The following KIF5A variants were observed in gnomAD, a reference collection of about 807,000 sequenced individuals.
KIF5A encodes the protein kinesin heavy chain isoform 5A.
KIF5A carries 35 observed loss-of-function variants against 141.3 expected under a neutral mutation model. That is an observed-to-expected ratio of 0.25 (90% CI 0.19 to 0.33). KIF5A has a LOEUF of 0.33. Among genes scored for constraint, KIF5A ranks in the 10% least tolerant of loss-of-function variants. The pLI, the probability that KIF5A is intolerant of heterozygous loss-of-function variation, is 1.00. For missense variants in KIF5A, 861 were observed against 1,314.3 expected (o/e 0.66, Z 5.33); for synonymous variants, 448 against 500.2 (o/e 0.90, Z 1.39).
chr12:57,561,832 A>C (rs1439968990), intron 1 of KIF5A, among the ~76,000 whole-genome samples: 1 of 152,214 alleles, frequency 6.6e-6, no homozygotes, highest in Non-Finnish European at 1.5e-5. Context: ...AATTCTGTAG[A>C]TATTCATGCA....
intron 7 of KIF5A, 29 bp downstream of exon 7, chr12:57,567,242 A>G (rs193255061): frequency 6.5e-7 from 1 of 1,549,726 alleles, no homozygotes; most frequent in East Asian, 2.3e-5. Flanking sequence ...GGATCTCTCG[A>G]GTCTGAGGAT....
At chr12:57,571,183 G>T in intron 12 of KIF5A, 138 bp from the exon 13 acceptor site, 1 of 694,522 alleles carries the variant, frequency 1.4e-6, no homozygotes. Context: ...CGATCTTCCT[G>T]TAGGATATGG....
At chr12:57,580,882 C>T (rs1282542347) in intron 23 of KIF5A, 74 bp from the exon 24 acceptor site, 10 of 1,364,522 alleles carry the variant, frequency 7.3e-6, no homozygotes, top group Non-Finnish European at 8.3e-6. Context: ...ACCCCTGTCC[C>T]CTACGCTCCT....
rs145767289 is a variant in KIF5A at position 57,559,118 on chromosome 12, G to A, written c.130-4321G>A. 2.4e-4 allele frequency among the ~76,000 whole-genome samples: 36 copies of A among 152,286 alleles called. 1 individual carries two copies. The highest frequency in any genetic ancestry group is 8.4e-4 in the African/African-American group (35 of 41,560). On this transcript the variant is annotated intron_variant, in intron 1 of 28. Coordinates refer to ENST00000455537, the MANE Select transcript of KIF5A (RefSeq NM_004984.4). ...TAGGGATAGGCCATTATTTAACCAG[G>A]CCTCTGTTGGTGGACATTAAGGGTT...
intron 8 of KIF5A, among the ~76,000 whole-genome samples, chr12:57,568,485 C>T (rs1018891538): frequency 2.0e-5 from 3 of 151,770 alleles, no homozygotes; most frequent in Non-Finnish European, 4.4e-5. Flanking sequence ...CAGCACTTTG[C>T]GAGGCCGAGG....
chr12:57,566,553 G>A (rs1389913811), intron 6 of KIF5A, among the ~76,000 whole-genome samples: 2 of 151,752 alleles, frequency 1.3e-5, no homozygotes, highest in African/African-American at 4.8e-5. Flanking sequence ...TGGAATTACA[G>A]GCATGTGCCA....
At chr12:57,578,991 G>A (rs1882513639) in intron 23 of KIF5A, among the ~76,000 whole-genome samples, 1 of 152,116 alleles carries the variant, frequency 6.6e-6, no homozygotes, top group Non-Finnish European at 1.5e-5. Flanking sequence ...TTGAGCGCAG[G>A]AAGTAGAGGC....
intron 1 of KIF5A, among the ~76,000 whole-genome samples, chr12:57,553,468 G>T (rs1217400240): frequency 2.0e-5 from 3 of 152,170 alleles, no homozygotes; most frequent in Admixed American, 1.3e-4. Context: ...GGGGAGCAGG[G>T]CTGTCCTTTG....
At chr12:57,576,732 C>A (rs571738918) in intron 19 of KIF5A, 29 bp from the exon 20 acceptor site, 3 of 1,512,644 alleles carry the variant, frequency 2.0e-6, no homozygotes, top group Non-Finnish European at 2.8e-6. Context: ...CTTTCTCCCC[C>A]ATCTCCATTA....
At chr12:57,563,297 G>A (rs1014350625) in intron 1 of KIF5A, 142 bp from the exon 2 acceptor site, 12 of 719,530 alleles carry the variant, frequency 1.7e-5, no homozygotes, top group African/African-American at 8.7e-5. Flanking sequence ...GAGCCACCAC[G>A]CCCGGCCATT....
chr12:57,577,629 T>C, intron 20 of KIF5A, 84 bp from the exon 21 acceptor site: 7 of 1,002,448 alleles, frequency 7.0e-6, no homozygotes, highest in Non-Finnish European at 1.1e-5. Context: ...AATACTTAAA[T>C]GGAGATAAAA....
intron 23 of KIF5A, among the ~76,000 whole-genome samples, chr12:57,580,133 C>T (rs1057226370): frequency 6.6e-6 from 1 of 152,112 alleles, no homozygotes. Context: ...CTAGCTTGTC[C>T]CCTTGAGCCC....
chr12:57,558,181 G>GA (rs1190034209), intron 1 of KIF5A, among the ~76,000 whole-genome samples: 1 of 152,068 alleles, frequency 6.6e-6, no homozygotes, highest in Non-Finnish European at 1.5e-5. Context: ...GAGGCGGGAG[G>GA]ATCACTTGAG....
chr12:57,577,572 C>T, intron 20 of KIF5A, 141 bp from the exon 21 acceptor site: 1 of 739,166 alleles, frequency 1.4e-6, no homozygotes, highest in Non-Finnish European at 2.4e-6. Flanking sequence ...CTCTATCTAG[C>T]CTAGGTAACA....
intron 1 of KIF5A, among the ~76,000 whole-genome samples, chr12:57,560,808 C>T (rs1245361153): frequency 6.6e-6 from 1 of 151,502 alleles, no homozygotes; most frequent in Non-Finnish European, 1.5e-5. Flanking sequence ...TTGAGACCAG[C>T]CCAGGCAACA....
intron 8 of KIF5A, among the ~76,000 whole-genome samples, chr12:57,568,226 C>T (rs1392424132): frequency 6.6e-6 from 1 of 152,146 alleles, no homozygotes; most frequent in Non-Finnish European, 1.5e-5. Flanking sequence ...ATATAATTCA[C>T]ATACCATAAA....
intron 12 of KIF5A, among the ~76,000 whole-genome samples, 192 bp downstream of exon 12, chr12:57,570,354 T>C (rs889514539): frequency 1.3e-5 from 2 of 152,206 alleles, no homozygotes. Context: ...CACTCAACAT[T>C]TTGCTTTTCT....
At chr12:57,575,936 C>T (rs1882410198) in intron 17 of KIF5A, 151 bp from the exon 18 acceptor site, 2 of 914,176 alleles carry the variant, frequency 2.2e-6, no homozygotes, top group Admixed American at 1.7e-5. Context: ...CCCTTGTTCT[C>T]TGTTCCTGCT....
In KIF5A at chr12:57,581,188, C is replaced by T; in HGVS notation, c.2755+16C>T. The T allele has an allele frequency of 1.9e-6, 3 of 1,610,302 alleles. No homozygotes were observed. Among genetic ancestry groups the T allele is most frequent in the Non-Finnish European group, 2.5e-6 (3 of 1,178,008 alleles). On this transcript the variant is annotated intron_variant, in intron 24 of 28. Coordinates refer to ENST00000455537, the MANE Select transcript of KIF5A (RefSeq NM_004984.4). Reference sequence around the variant, plus strand: ...GCCCAGATTGGTGAGTAGGTGTTAGCAGGCAAGGTGGGAGTATCTCCTGAA... The same window carrying T: ...GCCCAGATTGGTGAGTAGGTGTTAGTAGGCAAGGTGGGAGTATCTCCTGAA...
Sources: allele counts gnomAD v4.1 joint callset (sites outside exome capture counted in the v4.1 genomes callset), GRCh38; gene constraint gnomAD v4.1.1; transcripts MANE v1.5; gene names NCBI Gene and HGNC (gene_info 2026-07-23, HGNC 2026-07-21).